The following DLC1 variants were observed in gnomAD, a reference collection of about 807,000 sequenced individuals.
DLC1 encodes rho GTPase-activating protein 7.
DLC1 carries 54 observed loss-of-function variants against 140.3 expected under a neutral mutation model. The observed-to-expected ratio is 0.38, with a 90% CI of 0.31 to 0.48. DLC1 has a LOEUF of 0.48. Among genes scored for constraint, DLC1 ranks in the 20% least tolerant of loss-of-function variants. The pLI is 0.96. For missense variants in DLC1, 2,536 were observed against 1,907.0 expected (o/e 1.33, Z -6.14); for synonymous variants, 986 against 728.1 (o/e 1.35, Z -5.70).
chr8:13,393,930 T>C (rs1836892142), intron 3 of DLC1, among the ~76,000 whole-genome samples: 1 of 152,210 alleles, frequency 6.6e-6, no homozygotes, highest in Non-Finnish European at 1.5e-5. Flanking sequence ...TATTTGGTAA[T>C]TTAACAGCTG....
intron 5 of DLC1, among the ~76,000 whole-genome samples, chr8:13,155,688 A>G (rs1379955568): frequency 1.3e-5 from 2 of 152,088 alleles, no homozygotes; most frequent in East Asian, 1.9e-4. Context: ...AAATTTTGCT[A>G]ATTTAGAATT....
At chr8:13,231,883 C>G (rs1379292062) in intron 5 of DLC1, among the ~76,000 whole-genome samples, 1 of 152,212 alleles carries the variant, frequency 6.6e-6, no homozygotes, top group East Asian at 1.9e-4. Context: ...ATTTTTGAAT[C>G]TCAGTGAGTA....
chr8:13,242,091 C>T (rs989142015), intron 5 of DLC1, among the ~76,000 whole-genome samples: 14 of 152,118 alleles, frequency 9.2e-5, no homozygotes, highest in African/African-American at 3.4e-4. Context: ...CTCATGCACT[C>T]CAATATTACC....
chr8:13,312,386 A>AAAAAAAAAAAAAAATAATAATAAT (rs71207139), intron 4 of DLC1, among the ~76,000 whole-genome samples: 2 of 81,680 alleles, frequency 2.4e-5, no homozygotes, highest in African/African-American at 8.9e-5. Flanking sequence ...AAAAAAAAAA[A>AAAAAAAAAAAAAAATAATAATAAT]AATAATTTCT....
chr8:13,274,738 G>C (rs1831091506), intron 5 of DLC1, among the ~76,000 whole-genome samples: 1 of 152,250 alleles, frequency 6.6e-6, no homozygotes, highest in South Asian at 2.1e-4. Context: ...ATAAATGTTT[G>C]AATTAGTCTT....
intron 5 of DLC1, among the ~76,000 whole-genome samples, chr8:13,213,403 T>A (rs1471346200): frequency 6.6e-6 from 1 of 152,200 alleles, no homozygotes; most frequent in Non-Finnish European, 1.5e-5. Flanking sequence ...TAAAGAATAA[T>A]GTCTTCCCAA....
Position 13,454,703 on chromosome 8 carries a change from A to G in DLC1, c.1023+44346T>C, listed in dbSNP as rs544053399. ...CCAAGTAGCTGGAACTATAGGTATG[A>G]GTCACCATGCCTAGCTAATTTTTTA... On this transcript the variant is annotated intron_variant, in intron 2 of 17. Transcript: ENST00000276297. 2.6e-5 allele frequency among the ~76,000 whole-genome samples: 4 copies of G among 152,182 alleles called. No homozygotes were observed. The South Asian group carries it at 8.3e-4, about 32-fold the overall frequency.
intron 5 of DLC1, among the ~76,000 whole-genome samples, chr8:13,154,177 C>G (rs1414607446): frequency 2.0e-5 from 3 of 152,230 alleles, no homozygotes; most frequent in Non-Finnish European, 2.9e-5. Context: ...GCTGGCTTCC[C>G]CTAGTGGATC....
At chr8:13,171,254 T>C (rs1275280703) in intron 5 of DLC1, among the ~76,000 whole-genome samples, 1 of 152,218 alleles carries the variant, frequency 6.6e-6, no homozygotes, top group African/African-American at 2.4e-5. Flanking sequence ...AGGAATGTTA[T>C]GATGTATGCC....
chr8:13,535,145 G>A (rs1803233348), intron 1 of DLC1, among the ~76,000 whole-genome samples: 1 of 152,006 alleles, frequency 6.6e-6, no homozygotes, highest in Admixed American at 6.6e-5. Flanking sequence ...ATTAACAGAA[G>A]ACATTAAGAA....
At chr8:13,286,080 A>C (rs1438550548) in intron 5 of DLC1, among the ~76,000 whole-genome samples, 1 of 152,246 alleles carries the variant, frequency 6.6e-6, no homozygotes, top group African/African-American at 2.4e-5. Context: ...AGCAAAATAG[A>C]AACAATCCAA....
At chr8:13,140,608 A>G (rs12550249) in intron 5 of DLC1, among the ~76,000 whole-genome samples, 21,980 of 151,938 alleles carry the variant, frequency 0.14, 1,846 homozygotes, top group South Asian at 0.21. Flanking sequence ...AGGGATATTA[A>G]CCATGTGCCA....
chr8:13,315,712 A>G (rs904814259), intron 4 of DLC1, among the ~76,000 whole-genome samples: 7 of 152,110 alleles, frequency 4.6e-5, no homozygotes, highest in Non-Finnish European at 8.8e-5. Context: ...CCCCTCACCC[A>G]GCTTTCCTTT....
intron 2 of DLC1, among the ~76,000 whole-genome samples, chr8:13,445,982 A>C (rs527603185): frequency 1.4e-4 from 22 of 152,300 alleles, no homozygotes; most frequent in African/African-American, 5.3e-4. Context: ...TTAAGTCCTT[A>C]CTTGGTCATA....
intron 5 of DLC1, among the ~76,000 whole-genome samples, chr8:13,185,483 A>G (rs900059341): frequency 6.6e-6 from 1 of 151,430 alleles, no homozygotes; most frequent in Non-Finnish European, 1.5e-5. Context: ...AATTTTTTGT[A>G]TTTTTAGTAG....
intron 5 of DLC1, among the ~76,000 whole-genome samples, chr8:13,193,995 A>G (rs1585883980): frequency 6.6e-6 from 1 of 152,306 alleles, no homozygotes; most frequent in East Asian, 1.9e-4. Context: ...TCAGGCTTAT[A>G]TGTGCACTAA....
rs1225816292 is a variant in DLC1, at chr8:13,405,974, ATCTC to A, written c.1024-4359_1024-4356del. Among the ~76,000 whole-genome samples the A allele has an allele frequency of 4.1e-4, 8 of 19,394 alleles. No homozygotes were observed. In the South Asian group the frequency reaches 5.8e-3, roughly 14 times the overall value. The allele number at this position is 19,394 out of a possible 152,430, so 12.7% of individuals were successfully genotyped here. ...CTTTCTTTCTTTCTTTCTTTCTTTC[ATCTC>A]TCTCTCTCTCTCTCTTTCTTTATTC... is the stretch of plus-strand genomic sequence containing the variant. On this transcript the variant is annotated intron_variant, in intron 2 of 17. Transcript: ENST00000276297.
intron 4 of DLC1, among the ~76,000 whole-genome samples, chr8:13,389,784 C>G (rs929111123): frequency 6.6e-6 from 1 of 152,044 alleles, no homozygotes; most frequent in African/African-American, 2.4e-5. Flanking sequence ...ACTGTGGTCA[C>G]TACTATAAAT....
intron 2 of DLC1, among the ~76,000 whole-genome samples, chr8:13,469,024 T>C (rs1276497083): frequency 6.6e-6 from 1 of 151,936 alleles, no homozygotes; most frequent in Non-Finnish European, 1.5e-5. Context: ...TTTCACGATG[T>C]TGGCCAGGAT....
Sources: allele counts gnomAD v4.1 joint callset (sites outside exome capture counted in the v4.1 genomes callset), GRCh38; gene constraint gnomAD v4.1.1; transcripts MANE v1.5; gene names NCBI Gene and HGNC (gene_info 2026-07-23, HGNC 2026-07-21).